The following EYS variants were observed in gnomAD, a reference collection of about 807,000 sequenced individuals.
EYS encodes EGF-like photoreceptor maintenance factor.
A neutral mutation model predicts 282.1 loss-of-function variants in EYS; 250 were observed. The ratio of observed to expected loss-of-function variants is 0.89; its 90% CI spans 0.80 to 0.98. EYS has a LOEUF of 0.98. EYS is among the 50% of genes least tolerant of loss of function. The pLI is 0.00. For synonymous variants in EYS, 1,355 were observed against 1,282.9 expected (o/e 1.06, Z -1.20); for missense variants, 4,016 against 3,709.0 (o/e 1.08, Z -2.15).
Position 65,582,272 on chromosome 6 carries a change from T to C in EYS, c.-333+57506A>G, listed in dbSNP as rs192748866. ...CATTTGATCTTTTACCAGTGTTTTG[T>C]TGGAAAAGCAGGTGTGAAGTTATTT... On this transcript the variant is annotated intron_variant, in intron 2 of 42. Coordinates refer to ENST00000503581, the MANE Select transcript of EYS (RefSeq NM_001142800.2). Among the ~76,000 whole-genome samples the C allele has an allele frequency of 2.3e-3, 348 of 152,090 alleles. 2 individuals carry two copies. Among genetic ancestry groups the C allele is most frequent in the African/African-American group, 8.3e-3 (345 of 41,518 alleles).
intron 5 of EYS, chr6:65,489,366 T>G (rs1220603061): frequency 6.6e-6 from 1 of 152,088 alleles, no homozygotes; most frequent in Non-Finnish European, 1.5e-5. Flanking sequence ...CCAACAGATA[T>G]GTGAAAAAAT....
intron 35 of EYS, 107 bp downstream of exon 35, chr6:63,984,276 C>T: frequency 1.3e-6 from 1 of 756,948 alleles, no homozygotes; most frequent in South Asian, 1.6e-5. Context: ...CTTGAGAATT[C>T]TGGACTTGTC....
rs1262812025 is a variant in EYS at position 64,095,767 on chromosome 6, A to T, written c.6425-13765T>A. 2.0e-5 allele frequency among the ~76,000 whole-genome samples: 3 copies of T among 152,136 alleles called. No individual in the cohort carries two copies. The East Asian group carries it at 5.8e-4, about 29-fold the overall frequency. On this transcript the variant is annotated intron_variant, in intron 31 of 42. Coordinates refer to ENST00000503581, the MANE Select transcript of EYS (RefSeq NM_001142800.2). ...TAGCCTATTTACATTTAAGGTTAAT[A>T]TTGTTGTGTGTGAATTTGATCCTGT... is the stretch of plus-strand genomic sequence containing the variant.
chr6:63,983,376 T>C (rs1205646335), intron 35 of EYS, among the ~76,000 whole-genome samples: 1 of 151,778 alleles, frequency 6.6e-6, no homozygotes, highest in Non-Finnish European at 1.5e-5. Flanking sequence ...TTGGTAAATA[T>C]ATCACATTGA....
At chr6:65,419,020 C>A (rs886706466) in intron 5 of EYS, among the ~76,000 whole-genome samples, 1 of 151,806 alleles carries the variant, frequency 6.6e-6, no homozygotes, top group Non-Finnish European at 1.5e-5. Context: ...ACCCCTAATA[C>A]CATGCAGATT....
chr6:64,866,485 T>C (rs1766429040), intron 19 of EYS, among the ~76,000 whole-genome samples: 1 of 151,874 alleles, frequency 6.6e-6, no homozygotes, highest in Non-Finnish European at 1.5e-5. Context: ...CTATGGTTTA[T>C]TATTTATTCA....
chr6:64,931,499 ATC>A (rs1235587999), intron 15 of EYS, among the ~76,000 whole-genome samples: 1 of 152,094 alleles, frequency 6.6e-6, no homozygotes, highest in Non-Finnish European at 1.5e-5. Context: ...GATCAAAATA[ATC>A]TCTTTTTAGT....
chr6:64,358,360 T>G (rs757030980), intron 29 of EYS, among the ~76,000 whole-genome samples: 4 of 151,642 alleles, frequency 2.6e-5, no homozygotes, highest in Non-Finnish European at 5.9e-5. Context: ...GACAATATAG[T>G]GTTGAATTGC....
intron 33 of EYS, among the ~76,000 whole-genome samples, chr6:64,061,171 GATAACACAGTAAAT>G (rs1771154145): frequency 6.6e-6 from 1 of 152,136 alleles, no homozygotes; most frequent in Non-Finnish European, 1.5e-5. Context: ...AAAACATGCA[GATAACACAGTAAAT>G]CACCTAGAAT....
chr6:65,049,273 G>T (rs1360015120), intron 13 of EYS, among the ~76,000 whole-genome samples: 1 of 151,700 alleles, frequency 6.6e-6, no homozygotes, highest in Admixed American at 6.6e-5. Flanking sequence ...CCAGCTTCAT[G>T]TTCTCAGAGT....
At chr6:64,330,672 G>A (rs1217623018) in intron 29 of EYS, among the ~76,000 whole-genome samples, 1 of 152,152 alleles carries the variant, frequency 6.6e-6, no homozygotes, top group Non-Finnish European at 1.5e-5. Flanking sequence ...TGCCCTGTTA[G>A]CGCAAGATGC....
intron 26 of EYS, among the ~76,000 whole-genome samples, chr6:64,479,339 A>T (rs1476679257): frequency 6.6e-6 from 1 of 151,964 alleles, no homozygotes; most frequent in African/African-American, 2.4e-5. Context: ...TTACTGCTCC[A>T]TGATATTGCC....
At chr6:64,339,612 G>T (rs1739426) in intron 29 of EYS, among the ~76,000 whole-genome samples, 7 of 151,792 alleles carry the variant, frequency 4.6e-5, no homozygotes, top group Admixed American at 1.3e-4. Context: ...CATTTGATCC[G>T]GCAATCCCAC....
At chr6:65,057,534 G>T in intron 13 of EYS, 80 bp downstream of exon 13, 2 of 863,296 alleles carry the variant, frequency 2.3e-6, no homozygotes, top group Non-Finnish European at 3.8e-6. Flanking sequence ...TTGGAAGACT[G>T]AAATGAGTTC....
At chr6:65,602,535 C>T (rs1186418002) in intron 2 of EYS, among the ~76,000 whole-genome samples, 1 of 151,976 alleles carries the variant, frequency 6.6e-6, no homozygotes, top group Admixed American at 6.6e-5. Context: ...ATTTATTGAG[C>T]TTTGAAATAT....
intron 41 of EYS, among the ~76,000 whole-genome samples, chr6:63,738,752 A>C (rs901139815): frequency 6.6e-6 from 1 of 152,168 alleles, no homozygotes; most frequent in Non-Finnish European, 1.5e-5. Flanking sequence ...AAAAAAATAC[A>C]TACAGACATA....
chr6:64,605,089 C>G (rs1448906895), intron 24 of EYS, among the ~76,000 whole-genome samples: 1 of 151,966 alleles, frequency 6.6e-6, no homozygotes, highest in African/African-American at 2.4e-5. Flanking sequence ...CACAATATCA[C>G]CAGCTATTTC....
intron 12 of EYS, among the ~76,000 whole-genome samples, chr6:65,204,239 A>G (rs1170831600): frequency 6.6e-6 from 1 of 152,126 alleles, no homozygotes; most frequent in African/African-American, 2.4e-5. Flanking sequence ...CAGAATGTAC[A>G]TTACCAAGGC....
chr6:64,022,397 C>T (rs563213200), intron 33 of EYS, among the ~76,000 whole-genome samples: 369 of 152,174 alleles, frequency 2.4e-3, no homozygotes, highest in African/African-American at 8.3e-3. Context: ...GTTTTTAGTG[C>T]GCTAAAATAT....
Sources: gnomAD v4.1 joint callset for allele counts (sites outside exome capture counted in the v4.1 genomes callset) on GRCh38, gnomAD v4.1.1 for gene constraint, MANE v1.5 for transcripts, NCBI Gene and HGNC (gene_info 2026-07-23, HGNC 2026-07-21) for gene names.